BRF1: variants seen among roughly 807,000 people sequenced by gnomAD.
The protein encoded by BRF1 is BRF1 general transcription factor IIIB subunit, also known as transcription factor IIIB 90 kDa subunit.
A neutral mutation model predicts 81.7 loss-of-function variants in BRF1; 59 were observed. The observed-to-expected ratio is 0.72, with a 90% confidence interval of 0.59 to 0.90. BRF1 has a LOEUF of 0.90. Ranked by LOEUF, BRF1 falls within the 40% of genes least tolerant of loss-of-function variation. The probability of loss-of-function intolerance (pLI) is 0.00; values close to 1 mark genes in which losing one functional copy is unlikely to be tolerated. For synonymous variants in BRF1, 491 were observed against 395.6 expected (o/e 1.24, Z -2.86); for missense variants, 1,050 against 936.3 (o/e 1.12, Z -1.58).
intron 5 of BRF1, chr14:105,247,671 T>C: frequency 1.0e-6 from 1 of 985,382 alleles, no homozygotes; most frequent in Non-Finnish European, 1.2e-6. Flanking sequence ...GGCTGCGTCC[T>C]GTGGGGTTTC....
chr14:105,280,338 C>A (rs1235106827), intron 2 of BRF1, among the ~76,000 whole-genome samples: 1 of 152,176 alleles, frequency 6.6e-6, no homozygotes, highest in Non-Finnish European at 1.5e-5. Flanking sequence ...GACCAAGCGC[C>A]GGTGAAAAGA....
chr14:105,246,516 C>A (rs957991037), intron 5 of BRF1, among the ~76,000 whole-genome samples: 2 of 152,118 alleles, frequency 1.3e-5, no homozygotes, highest in Admixed American at 1.3e-4. Context: ...GTCATCCAGG[C>A]TGGAGTGCAG....
intron 1 of BRF1, among the ~76,000 whole-genome samples, chr14:105,291,019 C>T (rs1280390891): frequency 6.6e-6 from 1 of 152,126 alleles, no homozygotes; most frequent in Non-Finnish European, 1.5e-5. Context: ...CCAGGATGCC[C>T]TCTACTTCTA....
chr14:105,210,393 G>T lies in BRF1; in HGVS notation c.*158C>A. ...TGCTGAATAGAAACACAATCCCAAT[G>T]GTAAGTTCCACATGGGACGAGGGCT... On this transcript the variant is annotated 3_prime_UTR_variant, in exon 18 of 18. Coordinates refer to ENST00000547530, the MANE Select transcript of BRF1 (RefSeq NM_001519.4). This position sits in a 1 kb window ranked among gnomAD's most constrained non-coding sequence, Gnocchi z 4.7. The T allele has an allele frequency of 1.4e-6, 1 of 724,724 alleles. No homozygotes were observed. The highest frequency in any genetic ancestry group is 2.3e-6 in the Non-Finnish European group (1 of 442,186). The allele number at this position is 724,724 out of a possible 1,614,324, so 44.9% of individuals were successfully genotyped here.
intron 15 of BRF1, among the ~76,000 whole-genome samples, chr14:105,215,421 C>T (rs995830242): frequency 4.0e-5 from 6 of 151,894 alleles, no homozygotes; most frequent in Non-Finnish European, 7.4e-5. Flanking sequence ...TGCACACACA[C>T]TATGTGCAGT....
intron 2 of BRF1, among the ~76,000 whole-genome samples, chr14:105,277,777 T>C (rs1178635598): frequency 6.6e-6 from 1 of 152,234 alleles, no homozygotes; most frequent in Non-Finnish European, 1.5e-5. Context: ...TTTTTTGAGA[T>C]GGAGTCTCGC....
chr14:105,306,136 C>T (rs1452524970), intron 1 of BRF1, among the ~76,000 whole-genome samples: 10 of 152,110 alleles, frequency 6.6e-5, no homozygotes, highest in African/African-American at 1.9e-4. Context: ...TGAACGTGCT[C>T]GTAACACTTA....
chr14:105,311,096 G>T (rs1289771304), intron 1 of BRF1, among the ~76,000 whole-genome samples: 1 of 151,854 alleles, frequency 6.6e-6, no homozygotes, highest in Non-Finnish European at 1.5e-5. Flanking sequence ...GGGATTACAG[G>T]CGCGCACCAT....
chr14:105,284,992 T>C lies in BRF1; in HGVS notation c.265+1304A>G, dbSNP rs1464731615. Among the ~76,000 whole-genome samples, 1 of 152,188 alleles carries C rather than the reference T, an allele frequency of 6.6e-6. No individual in the cohort carries two copies. The highest frequency in any genetic ancestry group is 1.9e-4 in the East Asian group (1 of 5,204). ...ACAAAACTTATACTCTGAGAACTAA[T>C]AAAATTGTTGAAACAAATTAAAGAA... On this transcript the variant is annotated intron_variant, in intron 2 of 17. Coordinates refer to ENST00000547530, the MANE Select transcript of BRF1 (RefSeq NM_001519.4). This position sits in a 1 kb window ranked among gnomAD's most constrained non-coding sequence, Gnocchi z 4.0.
intron 15 of BRF1, among the ~76,000 whole-genome samples, chr14:105,216,830 T>C (rs889749677): frequency 1.3e-5 from 2 of 149,624 alleles, no homozygotes; most frequent in Non-Finnish European, 3.0e-5. Context: ...TGGGGTGGAG[T>C]GAAGGTCGGA....
At chr14:105,244,099 G>A (rs587723253) in intron 5 of BRF1, among the ~76,000 whole-genome samples, 70 of 149,414 alleles carry the variant, frequency 4.7e-4, no homozygotes, top group African/African-American at 1.4e-3. Flanking sequence ...GCTTGAGCCC[G>A]GGAGTTCGAG....
intron 10 of BRF1, 182 bp from the exon 11 acceptor site, chr14:105,222,096 C>T: frequency 1.5e-6 from 1 of 663,166 alleles, no homozygotes; most frequent in Admixed American, 3.8e-5. Context: ...CGGAAGTTAG[C>T]TCAAAGCAGA....
intron 15 of BRF1, chr14:105,213,472 G>C (rs587625243): frequency 6.6e-6 from 1 of 151,634 alleles, no homozygotes; most frequent in African/African-American, 2.4e-5. Context: ...GTGCAGTGAC[G>C]CGATCTCGGC....
chr14:105,307,900 C>A (rs1007449717), intron 1 of BRF1, among the ~76,000 whole-genome samples: 2 of 152,192 alleles, frequency 1.3e-5, no homozygotes, highest in Non-Finnish European at 2.9e-5. Flanking sequence ...AGTCAAGGGC[C>A]AGGCCAGGAC....
In BRF1 at chr14:105,269,469, CCA is replaced by C. The variant is rs1040824219; in HGVS notation, c.439+3250_439+3251del. Reference sequence around the variant, plus strand: ...CCGGGCAGTGGGTTTTCGTAAATCCCCAGAGCTGAGCAACCACCACCAGGATC... The same window carrying C: ...CCGGGCAGTGGGTTTTCGTAAATCCCGAGCTGAGCAACCACCACCAGGATC... On this transcript the variant is annotated intron_variant, in intron 3 of 17. Coordinates refer to ENST00000547530, the MANE Select transcript of BRF1 (RefSeq NM_001519.4). The surrounding 1 kb of genome is among the most constrained non-coding windows in gnomAD (Gnocchi z 5.0). 6.6e-6 allele frequency among the ~76,000 whole-genome samples: 1 copy of C among 152,080 alleles called. No homozygotes were observed. The highest frequency in any genetic ancestry group is 2.4e-5 in the African/African-American group (1 of 41,410).
chr14:105,219,398 G>C, intron 12 of BRF1, 166 bp from the exon 13 acceptor site: 1 of 1,409,826 alleles, frequency 7.1e-7, no homozygotes, highest in Non-Finnish European at 9.4e-7. Context: ...CGCGGGGCGA[G>C]TTGGGGACCT....
Position 105,211,206 on chromosome 14 carries a change from C to G in BRF1, c.1912G>C (p.Ala638Pro), listed in dbSNP as rs1890064374. ...LVESGPVSYHADEEADEEEPD... is the reference protein window; with the variant it reads ...LVESGPVSYHPDEEADEEEPD... ...TCCTCCTCGTCAGCCTCCTCGTCGG[C>G]GTGGTATGACACGGGCCCGCTCTCC... Residue 638 changes from alanine to proline, a missense_variant, in exon 17 of 18, where the codon GCC becomes CCC. By Grantham distance (27) the Ala-to-Pro change is conservative. Around this residue, in one of 2 missense-constraint regions of BRF1, gnomAD observed 1,043 missense variants for 915.4 expected, o/e 1.14. Transcript: ENST00000547530. 4 of 1,611,892 alleles carry G rather than the reference C, an allele frequency of 2.5e-6. No homozygotes were observed. In the South Asian group the frequency reaches 4.4e-5, roughly 18 times the overall value.
At chr14:105,295,415 G>A (rs1292573195) in intron 1 of BRF1, among the ~76,000 whole-genome samples, 1 of 151,808 alleles carries the variant, frequency 6.6e-6, no homozygotes, top group African/African-American at 2.4e-5. Flanking sequence ...AGACGAGCCT[G>A]GTCAACATGG....
At chr14:105,248,991 G>C (rs2055370315) in intron 5 of BRF1, 1 of 990,922 alleles carries the variant, frequency 1.0e-6, no homozygotes, top group Non-Finnish European at 1.2e-6. Flanking sequence ...CCCCGCGCCA[G>C]CGCCGCCGCC....
Sources: allele counts gnomAD v4.1 joint callset (sites outside exome capture counted in the v4.1 genomes callset), GRCh38; gene constraint gnomAD v4.1.1; regional missense constraint gnomAD v4.1.1; non-coding constraint Gnocchi (gnomAD v3.1); transcripts MANE v1.5; gene names NCBI Gene and HGNC (gene_info 2026-07-23, HGNC 2026-07-21).